The following COLEC12 variants were observed in gnomAD, a reference collection of about 807,000 sequenced individuals.
The protein encoded by COLEC12 is collectin subfamily member 12.
In COLEC12, 33 loss-of-function variants were observed where a neutral mutation model predicts 71.1. The ratio of observed to expected loss-of-function variants is 0.46; its 90% CI spans 0.35 to 0.62. The LOEUF is 0.62. COLEC12 is among the 20% of genes least tolerant of loss of function. The pLI is 0.00. For missense variants in COLEC12, 765 were observed against 916.1 expected (o/e 0.84, Z 2.13); for synonymous variants, 350 against 353.0 (o/e 0.99, Z 0.10).
intron 7 of COLEC12, 106 bp downstream of exon 7, chr18:332,901 G>GACTAGGAATTCGTGAT: frequency 9.7e-7 from 1 of 1,026,754 alleles, no homozygotes; most frequent in Middle Eastern, 3.3e-4. Context: ...ATGTTTACGT[G>GACTAGGAATTCGTGAT]ACTAGGAATT....
chr18:415,270 G>C lies in COLEC12; in HGVS notation c.59-57748C>G, dbSNP rs117557987. Among the ~76,000 whole-genome samples, 589 of 152,310 alleles carry C rather than the reference G, an allele frequency of 3.9e-3. 2 individuals are homozygous for C. Among genetic ancestry groups the C allele is most frequent in the Non-Finnish European group, 6.4e-3 (437 of 68,034 alleles). On this transcript the variant is annotated intron_variant, in intron 2 of 9. Coordinates refer to ENST00000400256, the MANE Select transcript of COLEC12 (RefSeq NM_130386.3). ...CCTCACTAAAGTGACCAGACAACTC[G>C]AAGTCAGGAACTAGCAAACCGCAGA...
intron 2 of COLEC12, among the ~76,000 whole-genome samples, chr18:361,568 C>G (rs1164865643): frequency 6.6e-6 from 1 of 152,210 alleles, no homozygotes; most frequent in Non-Finnish European, 1.5e-5. Context: ...CCACACTCTC[C>G]CCAGCCCACC....
intron 2 of COLEC12, among the ~76,000 whole-genome samples, chr18:402,330 C>T (rs907312960): frequency 2.0e-4 from 31 of 152,068 alleles, no homozygotes; most frequent in Admixed American, 7.2e-4. Context: ...GGGGACCAAT[C>T]AGAGGTACTT....
chr18:347,386 G>A, intron 4 of COLEC12, 45 bp from the exon 5 acceptor site: 1 of 1,531,552 alleles, frequency 6.5e-7, no homozygotes, highest in South Asian at 1.2e-5. Flanking sequence ...GTATGGAGAA[G>A]TGTTCAGGCA....
chr18:457,482 A>C (rs1916895867), intron 2 of COLEC12, among the ~76,000 whole-genome samples: 1 of 152,212 alleles, frequency 6.6e-6, no homozygotes, highest in Admixed American at 6.5e-5. Context: ...AGGCAAGTAC[A>C]GTATTGAAGC....
intron 2 of COLEC12, among the ~76,000 whole-genome samples, chr18:409,074 G>C (rs1051655628): frequency 6.6e-6 from 1 of 151,682 alleles, no homozygotes; most frequent in Non-Finnish European, 1.5e-5. Context: ...GACCTCAAGT[G>C]ATCCGCCTGC....
chr18:322,936 G>T (rs1913745793), intron 8 of COLEC12, among the ~76,000 whole-genome samples: 3 of 152,126 alleles, frequency 2.0e-5, no homozygotes, highest in Admixed American at 2.0e-4. Flanking sequence ...AAAAAAATGA[G>T]TATGAAGGCC....
rs1914076608 is a variant in COLEC12 at position 334,899 on chromosome 18, A to C, written c.1659T>G (p.Val553=). ...PPGFQGLQGT[V]GEPGVPGPRG... is the part of the protein sequence containing the mutation. ...GAGGTCCAGGCACCCCAGGCTCCCC[A>C]ACGGTGCCCTGAAGTCCCTGGAAGC... is the stretch of plus-strand genomic sequence containing the variant. Residue 553 remains valine (V), a synonymous_variant, in exon 6 of 10, where the codon GTT becomes GTG. Coordinates refer to ENST00000400256, the MANE Select transcript of COLEC12 (RefSeq NM_130386.3). 6.5e-7 allele frequency: 1 copy of C among 1,537,970 alleles called. No homozygotes were observed. Among genetic ancestry groups the C allele is most frequent in the Non-Finnish European group, 8.7e-7 (1 of 1,151,910 alleles).
chr18:366,984 G>A (rs1914869493), intron 2 of COLEC12, among the ~76,000 whole-genome samples: 1 of 152,222 alleles, frequency 6.6e-6, no homozygotes, highest in Non-Finnish European at 1.5e-5. Context: ...GTGGAATGAA[G>A]GTTATGATGA....
intron 2 of COLEC12, among the ~76,000 whole-genome samples, chr18:411,539 C>G (rs1389322447): frequency 6.6e-6 from 1 of 151,890 alleles, no homozygotes; most frequent in East Asian, 1.9e-4. Flanking sequence ...AAATAGATGA[C>G]CTAAAGAAGA....
intron 2 of COLEC12, among the ~76,000 whole-genome samples, chr18:414,280 CAAAAT>C (rs1347134480): frequency 6.6e-6 from 1 of 152,058 alleles, no homozygotes; most frequent in Non-Finnish European, 1.5e-5. Context: ...AAAAGCAAAA[CAAAAT>C]AAATGAACAA....
chr18:449,819 A>T (rs1916724416), intron 2 of COLEC12, among the ~76,000 whole-genome samples: 1 of 152,216 alleles, frequency 6.6e-6, no homozygotes, highest in Non-Finnish European at 1.5e-5. Context: ...TACCTGGCTG[A>T]GACTTTCTCA....
At position 331,788 on chromosome 18, in the gene COLEC12, A is replaced by G; in HGVS notation, c.1954-11T>C. ...TTTTTTTATCCATTGCTGAAAAACA[A>G]AGCAGGGGTGGTGCGTGACTATTTT... On this transcript the variant is annotated splice_polypyrimidine_tract_variant and intron_variant, in intron 7 of 9. Transcript: ENST00000400256. 1 of 1,539,082 alleles carries G rather than the reference A, an allele frequency of 6.5e-7. No homozygotes were observed. Among genetic ancestry groups the G allele is most frequent in the East Asian group, 2.2e-5 (1 of 44,520 alleles).
chr18:456,056 C>T (rs973323141), intron 2 of COLEC12, among the ~76,000 whole-genome samples: 4 of 152,152 alleles, frequency 2.6e-5, no homozygotes, highest in African/African-American at 7.2e-5. Flanking sequence ...GGTGGTAGGA[C>T]AAAGCACGTG....
chr18:360,421 G>A (rs1914719163), intron 2 of COLEC12, among the ~76,000 whole-genome samples: 1 of 152,042 alleles, frequency 6.6e-6, no homozygotes, highest in Non-Finnish European at 1.5e-5. Context: ...GACCTCAAGT[G>A]ATCCACCCAC....
At chr18:373,671 G>A (rs557834313) in intron 2 of COLEC12, among the ~76,000 whole-genome samples, 20 of 152,110 alleles carry the variant, frequency 1.3e-4, no homozygotes, top group Non-Finnish European at 2.2e-4. Context: ...TATCTGAACC[G>A]GGTAGAATCA....
chr18:328,884 T>A (rs1051632834), intron 8 of COLEC12, among the ~76,000 whole-genome samples: 6 of 152,242 alleles, frequency 3.9e-5, no homozygotes, highest in African/African-American at 1.4e-4. Context: ...TTATTACATG[T>A]CAAATTAAAT....
At chr18:443,012 T>C (rs958881351) in intron 2 of COLEC12, among the ~76,000 whole-genome samples, 6 of 152,260 alleles carry the variant, frequency 3.9e-5, no homozygotes, top group Non-Finnish European at 5.9e-5. Flanking sequence ...AGTGTTCATC[T>C]GGTCCAGCCA....
chr18:491,418 G>A (rs992064867), intron 1 of COLEC12, among the ~76,000 whole-genome samples: 3 of 152,224 alleles, frequency 2.0e-5, no homozygotes, highest in Admixed American at 6.5e-5. Flanking sequence ...ATAAGCTCAT[G>A]TCTGCCTCTC....
Sources: allele counts gnomAD v4.1 joint callset (sites outside exome capture counted in the v4.1 genomes callset), GRCh38; gene constraint gnomAD v4.1.1; transcripts MANE v1.5; gene names NCBI Gene and HGNC (gene_info 2026-07-23, HGNC 2026-07-21).